The following ZNF695 variants were observed in gnomAD, a reference collection of about 807,000 sequenced individuals.
The protein encoded by ZNF695 is zinc finger protein SBZF3.
A neutral mutation model predicts 11.2 loss-of-function variants in ZNF695; 11 were observed. That is an observed-to-expected ratio of 0.98 (90% CI 0.62 to 1.62). The LOEUF (loss-of-function observed/expected upper bound fraction) is 1.62. ZNF695 is among the 40% of genes most tolerant of loss of function. The probability of loss-of-function intolerance (pLI) is 0.00; values close to 1 mark genes in which losing one functional copy is unlikely to be tolerated. For synonymous variants in ZNF695, 190 were observed against 201.4 expected, an observed-to-expected ratio of 0.94 and a Z score of 0.48; for missense variants, 559 against 590.5, an observed-to-expected ratio of 0.95 and a Z score of 0.55.
chr1:246,993,835 A>C (rs1163187312), intron 3 of ZNF695, among the ~76,000 whole-genome samples: 2 of 152,234 alleles, frequency 1.3e-5, no homozygotes. Context: ...CAAGAATATA[A>C]GGTAAGCAAA....
chr1:246,990,586 G>A lies in ZNF695; in HGVS notation c.260-2331C>T, dbSNP rs577802536. ...GACAGAAAATCAATAAAGAAACATC[G>A]CACTTATCTGCACTATATGCCAAAT... On this transcript the variant is annotated intron_variant, in intron 3 of 3. Coordinates refer to ENST00000339986, the MANE Select transcript of ZNF695 (RefSeq NM_020394.5). Among the ~76,000 whole-genome samples the A allele has an allele frequency of 3.9e-5, 6 of 152,208 alleles. No individual in the cohort carries two copies. In the South Asian group the frequency reaches 8.3e-4, roughly 21 times the overall value.
chr1:247,006,572 T>TGCA (rs1423866840), intron 1 of ZNF695, among the ~76,000 whole-genome samples: 1 of 152,236 alleles, frequency 6.6e-6, no homozygotes, highest in Non-Finnish European at 1.5e-5. Context: ...ATTGTGCCAC[T>TGCA]GCACTTCAGC....
intron 5 of ZNF695, among the ~76,000 whole-genome samples, chr1:246,964,874 C>CAA (rs55956626): frequency 6.6e-6 from 1 of 150,788 alleles, no homozygotes; most frequent in Non-Finnish European, 1.5e-5. Context: ...GACTCTGTCT[C>CAA]AAAAAAAAAT....
intron 5 of ZNF695, among the ~76,000 whole-genome samples, chr1:246,945,996 C>G (rs1297714716): frequency 6.6e-6 from 1 of 152,118 alleles, no homozygotes; most frequent in Non-Finnish European, 1.5e-5. Flanking sequence ...CTGCGCCCAG[C>G]CTCTGAGAGG....
chr1:246,995,560 T>C (rs902211301), intron 3 of ZNF695, among the ~76,000 whole-genome samples: 1 of 152,130 alleles, frequency 6.6e-6, no homozygotes, highest in East Asian at 1.9e-4. Context: ...CCACGCGCAG[T>C]GGCTCATGCC....
intron 4 of ZNF695, among the ~76,000 whole-genome samples, chr1:246,971,875 C>T (rs1458296669): frequency 1.3e-5 from 2 of 152,068 alleles, no homozygotes; most frequent in African/African-American, 2.4e-5. Flanking sequence ...CCACCACACC[C>T]GGCTAATTTT....
intron 4 of ZNF695, among the ~76,000 whole-genome samples, chr1:246,979,681 T>C (rs901073885): frequency 1.3e-5 from 2 of 152,032 alleles, no homozygotes; most frequent in Non-Finnish European, 2.9e-5. Flanking sequence ...GGTTGAGAAA[T>C]TTATTTTTAG....
chr1:246,992,952 A>T (rs903935508), intron 3 of ZNF695, among the ~76,000 whole-genome samples: 4 of 152,172 alleles, frequency 2.6e-5, no homozygotes, highest in Non-Finnish European at 4.4e-5. Flanking sequence ...TATTACACAG[A>T]GTACTGAATG....
intron 4 of ZNF695, among the ~76,000 whole-genome samples, chr1:246,975,608 G>A (rs1447287804): frequency 6.6e-6 from 1 of 152,158 alleles, no homozygotes; most frequent in East Asian, 1.9e-4. Context: ...CTAACATGCT[G>A]AGAACATGAA....
At chr1:246,959,619 G>A (rs1394256094) in intron 5 of ZNF695, among the ~76,000 whole-genome samples, 6 of 151,760 alleles carry the variant, frequency 4.0e-5, no homozygotes, top group African/African-American at 1.5e-4. Flanking sequence ...TAGAGATGGG[G>A]GTTTCACTAT....
intron 5 of ZNF695, among the ~76,000 whole-genome samples, chr1:246,960,490 C>G (rs1175399921): frequency 6.6e-6 from 1 of 152,182 alleles, no homozygotes; most frequent in East Asian, 1.9e-4. Context: ...CCTATGTTCT[C>G]TCTCTATATA....
In ZNF695 at chr1:247,007,928, C is replaced by T. The variant is rs750194996; in HGVS notation, c.-20G>A. ...CACCATTTCCCAGCTTTTGGGGGTC[C>T]CAGCGTCCTCCCTATAAATCTCGCA... On this transcript the variant is annotated 5_prime_UTR_variant, in exon 1 of 4. Transcript: ENST00000339986. 7.9e-6 allele frequency: 12 copies of T among 1,524,022 alleles called. No homozygotes were observed. The South Asian group carries it at 1.3e-4, about 16-fold the overall frequency. 94.4% of individuals were successfully genotyped at this position (1,524,022 alleles called of 1,614,324 possible). A position where few individuals can be genotyped will look rare whatever the true frequency, so the allele number is the denominator to read the frequency against.
intron 2 of ZNF695, 148 bp downstream of exon 2, chr1:246,999,764 T>C (rs1006008462): frequency 4.1e-6 from 3 of 732,920 alleles, no homozygotes; most frequent in Non-Finnish European, 6.6e-6. Context: ...AATAGAAAGG[T>C]TGATGTCAAG....
At position 246,987,587 on chromosome 1, in the gene ZNF695, A is replaced by G; in HGVS notation, c.928T>C (p.Tyr310His). ...ECGKSFKLFP[Y>H]LTQHKRIHSR... The stretch of plus-strand genomic sequence containing the variant: ...TGAATTCTCTTGTGTTGAGTAAGGT[A>G]TGGGAACAACTTAAAGGATTTGCCA... The change falls in exon 4 of 4, where the codon TAC (tyrosine) becomes CAC (histidine). Residue 310 changes from tyrosine (Y) to histidine (H), a missense_variant. Coordinates refer to ENST00000339986, the MANE Select transcript of ZNF695 (RefSeq NM_020394.5). 6.3e-7 allele frequency: 1 copy of G among 1,594,326 alleles called. No homozygotes were observed. Among genetic ancestry groups the G allele is most frequent in the Non-Finnish European group, 8.5e-7 (1 of 1,172,754 alleles).
At chr1:246,980,720 G>A (rs1668686702), downstream of ZNF695, among the ~76,000 whole-genome samples, 1 of 151,960 alleles carries the variant, frequency 6.6e-6, no homozygotes, top group Non-Finnish European at 1.5e-5. Flanking sequence ...ACCCGGCCGA[G>A]TTTACCCATT....
intron 5 of ZNF695, among the ~76,000 whole-genome samples, chr1:246,950,941 C>CT (rs1558301461): frequency 6.6e-6 from 1 of 151,880 alleles, no homozygotes; most frequent in Non-Finnish European, 1.5e-5. Flanking sequence ...ACAGGTATAC[C>CT]CTGTTCCTCC....
downstream of ZNF695, among the ~76,000 whole-genome samples, chr1:246,980,711 C>A (rs1412891263): frequency 6.6e-6 from 1 of 152,116 alleles, no homozygotes; most frequent in Non-Finnish European, 1.5e-5. Flanking sequence ...AGCCACCGCA[C>A]CCGGCCGAGT....
intron 5 of ZNF695, among the ~76,000 whole-genome samples, chr1:246,946,442 A>T (rs1439032197): frequency 6.6e-6 from 1 of 152,192 alleles, no homozygotes; most frequent in Non-Finnish European, 1.5e-5. Context: ...ATAAATTTTC[A>T]TACCCTCTCG....
intron 5 of ZNF695, among the ~76,000 whole-genome samples, chr1:246,957,504 T>C (rs1038690163): frequency 1.3e-5 from 2 of 152,330 alleles, no homozygotes; most frequent in African/African-American, 4.8e-5. Flanking sequence ...GGTAGGACTA[T>C]ATTGGACTAT....
Sources: gnomAD v4.1 joint callset for allele counts (sites outside exome capture counted in the v4.1 genomes callset) on GRCh38, gnomAD v4.1.1 for gene constraint, MANE v1.5 for transcripts, NCBI Gene and HGNC (gene_info 2026-07-23, HGNC 2026-07-21) for gene names.